Variants in ARID1B observed in about 807,000 individuals in gnomAD.
ARID1B encodes the protein AT-rich interaction domain 1B.
Under a neutral mutation model 212.3 loss-of-function variants are expected in ARID1B, and 30 were observed. The observed-to-expected ratio is 0.14, with a 90% CI of 0.11 to 0.19. The LOEUF (loss-of-function observed/expected upper bound fraction) is 0.19, where lower values mean the gene tolerates loss of function less well. Ranked by LOEUF, ARID1B falls within the 10% of genes least tolerant of loss-of-function variation. The pLI, the probability that ARID1B is intolerant of heterozygous loss-of-function variation, is 1.00. For synonymous variants in ARID1B, 1,402 were observed against 1,301.7 expected, an observed-to-expected ratio of 1.08 and a Z score of -1.66; for missense variants, 2,891 against 3,204.0, an observed-to-expected ratio of 0.90 and a Z score of 2.36.
chr6:157,032,478 G>A (rs1454128801), intron 4 of ARID1B, among the ~76,000 whole-genome samples: 3 of 152,158 alleles, frequency 2.0e-5, no homozygotes, highest in Non-Finnish European at 4.4e-5. Context: ...AAATGGGCAT[G>A]AGTATGTTTG....
At chr6:157,142,290 T>G (rs1452325945) in intron 7 of ARID1B, among the ~76,000 whole-genome samples, 1 of 152,214 alleles carries the variant, frequency 6.6e-6, no homozygotes, top group East Asian at 1.9e-4. Flanking sequence ...ACCTTGATTG[T>G]GCTGTCGATT....
chr6:156,805,102 A>G (rs1035516287), intron 1 of ARID1B, among the ~76,000 whole-genome samples: 6 of 152,190 alleles, frequency 3.9e-5, no homozygotes, highest in Admixed American at 2.0e-4. Context: ...ATAACTATGC[A>G]TTTGTTTGCT....
chr6:156,803,927 G>A (rs1780971365), intron 1 of ARID1B, among the ~76,000 whole-genome samples: 1 of 152,136 alleles, frequency 6.6e-6, no homozygotes, highest in Non-Finnish European at 1.5e-5. Flanking sequence ...GTTGAGGTGT[G>A]TAAAGCATAT....
chr6:156,908,475 T>C (rs13437610), intron 3 of ARID1B, among the ~76,000 whole-genome samples: 6,304 of 152,242 alleles, frequency 0.041, 404 homozygotes, highest in African/African-American at 0.14. Context: ...ATTGTCTGTA[T>C]TGTGTGTCCT....
At chr6:157,058,471 G>T (rs1783115531) in intron 4 of ARID1B, among the ~76,000 whole-genome samples, 1 of 152,094 alleles carries the variant, frequency 6.6e-6, no homozygotes, top group African/African-American at 2.4e-5. Context: ...CACCATATTG[G>T]CCAGACTGGT....
intron 5 of ARID1B, among the ~76,000 whole-genome samples, chr6:157,096,495 T>C (rs1367591024): frequency 6.6e-6 from 1 of 152,226 alleles, no homozygotes; most frequent in Non-Finnish European, 1.5e-5. Flanking sequence ...CTTTCACAAG[T>C]GTGCTTGCCG....
At chr6:156,805,019 A>C (rs923221219) in intron 1 of ARID1B, among the ~76,000 whole-genome samples, 1 of 152,212 alleles carries the variant, frequency 6.6e-6, no homozygotes, top group Non-Finnish European at 1.5e-5. Flanking sequence ...AGAGTTTAAC[A>C]AATGTAAACA....
chr6:156,931,001 C>T (rs6921351), intron 3 of ARID1B, among the ~76,000 whole-genome samples: 20,167 of 151,852 alleles, frequency 0.13, 1,877 homozygotes, highest in African/African-American at 0.26. Context: ...CCATTCTGGC[C>T]AACACAGTGA....
intron 4 of ARID1B, among the ~76,000 whole-genome samples, chr6:157,058,778 T>C (rs1783138721): frequency 6.6e-6 from 1 of 152,148 alleles, no homozygotes; most frequent in African/African-American, 2.4e-5. Flanking sequence ...TCATTTGCAA[T>C]GCAGTTGGAG....
chr6:157,082,092 A>G (rs369143622), intron 4 of ARID1B, among the ~76,000 whole-genome samples: 3 of 152,170 alleles, frequency 2.0e-5, no homozygotes, highest in South Asian at 2.1e-4. Flanking sequence ...AAAAAGAGTA[A>G]GATTATATGG....
At chr6:156,829,480 C>G (rs1256551682) in intron 2 of ARID1B, 59 bp downstream of exon 2, 2 of 1,510,420 alleles carry the variant, frequency 1.3e-6, no homozygotes, top group African/African-American at 2.8e-5. Context: ...TTGCCTTTTG[C>G]TGTCCACCTA....
chr6:156,804,977 C>T (rs1781055386), intron 1 of ARID1B, among the ~76,000 whole-genome samples: 1 of 151,894 alleles, frequency 6.6e-6, no homozygotes, highest in African/African-American at 2.4e-5. Flanking sequence ...TACTAATGGC[C>T]AGTACTTATA....
chr6:157,077,732 T>C (rs1337944511), intron 4 of ARID1B, among the ~76,000 whole-genome samples: 1 of 152,180 alleles, frequency 6.6e-6, no homozygotes, highest in Non-Finnish European at 1.5e-5. Context: ...GGTTTGTCTC[T>C]CTTCATTGAG....
chr6:157,159,903 G>T (rs758690588), intron 8 of ARID1B, among the ~76,000 whole-genome samples: 1 of 152,238 alleles, frequency 6.6e-6, no homozygotes, highest in Non-Finnish European at 1.5e-5. Context: ...CCTTTACTTA[G>T]AAGTTCTCTT....
chr6:157,108,929 A>G (rs1414658285), intron 5 of ARID1B, among the ~76,000 whole-genome samples: 1 of 152,240 alleles, frequency 6.6e-6, no homozygotes, highest in Admixed American at 6.5e-5. Context: ...TTACACACTC[A>G]GGAACACTCA....
intron 2 of ARID1B, among the ~76,000 whole-genome samples, chr6:156,843,200 TTATTG>T (rs1169690251): frequency 6.6e-6 from 1 of 152,220 alleles, no homozygotes; most frequent in African/African-American, 2.4e-5. Flanking sequence ...AATGTAACCA[TTATTG>T]TATTGTCTTC....
chr6:157,023,573 TG>T (rs1300393280), intron 4 of ARID1B: 1 of 152,240 alleles, frequency 6.6e-6, no homozygotes, highest in Non-Finnish European at 1.5e-5. Flanking sequence ...TACACTTACC[TG>T]CCATTGCTCA....
At chr6:157,168,961 CAGA>C (rs1477833526) in intron 9 of ARID1B, 1 of 152,188 alleles carries the variant, frequency 6.6e-6, no homozygotes, top group East Asian at 1.9e-4. Context: ...AAATGCATAA[CAGA>C]GGAGGACTGG....
upstream of ARID1B, chr6:156,776,931 A>G (rs527894906): frequency 1.4e-4 from 22 of 152,336 alleles, 1 homozygote; most frequent in African/African-American, 4.8e-4. Context: ...TGAAAATTAC[A>G]TAACTCCTGG....
Sources: allele counts gnomAD v4.1 joint callset (sites outside exome capture counted in the v4.1 genomes callset), GRCh38; gene constraint gnomAD v4.1.1; transcripts MANE v1.5; gene names NCBI Gene and HGNC (gene_info 2026-07-23, HGNC 2026-07-21).